FHL5: variants seen among roughly 807,000 people sequenced by gnomAD.
FHL5 encodes four and a half LIM domains protein 5.
In FHL5, 33 loss-of-function variants were observed where a neutral mutation model predicts 32.0. The ratio of observed to expected loss-of-function variants is 1.03; its 90% CI spans 0.78 to 1.38. The LOEUF is 1.38. Among genes scored for constraint, FHL5 ranks in the 40% most tolerant of loss-of-function variants. FHL5 has a pLI of 0.00. For synonymous variants in FHL5, 114 were observed against 113.6 expected (o/e 1.00, Z -0.02); for missense variants, 336 against 343.9 (o/e 0.98, Z 0.18).
At chr6:96,566,379 T>G (rs75505488) in intron 1 of FHL5, among the ~76,000 whole-genome samples, 6,874 of 152,120 alleles carry the variant, frequency 0.045, 460 homozygotes, top group African/African-American at 0.14. Context: ...ATATAGCACT[T>G]TTTTTAATCC....
intron 1 of FHL5, among the ~76,000 whole-genome samples, chr6:96,594,722 T>C (rs920966946): frequency 3.9e-5 from 6 of 151,986 alleles, no homozygotes; most frequent in African/African-American, 1.4e-4. Flanking sequence ...GTCTCAGTTT[T>C]CTAGTTTTCT....
In FHL5 at chr6:96,610,569, C is replaced by A. The variant is rs1315241202; in HGVS notation, c.505-3C>A. On this transcript the variant is annotated splice_region_variant and splice_polypyrimidine_tract_variant and intron_variant, in intron 4 of 5. Coordinates refer to ENST00000450218, the MANE Select transcript of FHL5 (RefSeq NM_001322466.2). The stretch of plus-strand genomic sequence containing the variant: ...TCATTGCCTTTTCTGTGGTCTTTGG[C>A]AGGTGATAACTTCAGGTGGGATAAC... The A allele has an allele frequency of 6.2e-7, 1 of 1,610,664 alleles. No homozygotes were observed. The highest frequency in any genetic ancestry group is 1.1e-5 in the South Asian group (1 of 90,792).
intron 1 of FHL5, among the ~76,000 whole-genome samples, chr6:96,565,692 C>T (rs928922482): frequency 3.3e-5 from 5 of 152,072 alleles, no homozygotes; most frequent in Non-Finnish European, 7.4e-5. Flanking sequence ...AATTATAATG[C>T]TCTAAAGATG....
At chr6:96,596,711 A>T (rs972301776) in intron 1 of FHL5, among the ~76,000 whole-genome samples, 3 of 152,096 alleles carry the variant, frequency 2.0e-5, no homozygotes, top group African/African-American at 7.2e-5. Flanking sequence ...CAATTAGCTC[A>T]TCCAGGAAAA....
At chr6:96,589,314 G>A (rs1041046303) in intron 1 of FHL5, among the ~76,000 whole-genome samples, 3 of 152,044 alleles carry the variant, frequency 2.0e-5, no homozygotes, top group Admixed American at 6.6e-5. Flanking sequence ...TTTAAGACAA[G>A]TACAATTTCC....
intron 5 of FHL5, among the ~76,000 whole-genome samples, chr6:96,611,364 A>G (rs1029227558): frequency 6.6e-6 from 1 of 152,076 alleles, no homozygotes; most frequent in African/African-American, 2.4e-5. Flanking sequence ...ATAGCATTTT[A>G]CTGAAAAAAA....
chr6:96,583,094 G>A (rs1379912601), intron 1 of FHL5, among the ~76,000 whole-genome samples: 6 of 152,094 alleles, frequency 3.9e-5, no homozygotes, highest in Admixed American at 3.9e-4. Flanking sequence ...CAACCAGCAC[G>A]AGAATCTGTA....
At chr6:96,591,063 A>G (rs1285087009) in intron 1 of FHL5, among the ~76,000 whole-genome samples, 1 of 152,002 alleles carries the variant, frequency 6.6e-6, no homozygotes. Flanking sequence ...ATGATTTTAG[A>G]TTTTGATACC....
intron 4 of FHL5, among the ~76,000 whole-genome samples, chr6:96,606,734 T>A (rs1178130569): frequency 6.6e-6 from 1 of 152,176 alleles, no homozygotes; most frequent in Admixed American, 6.5e-5. Flanking sequence ...TCTTAAAAAA[T>A]AATGTTTGAT....
intron 1 of FHL5, among the ~76,000 whole-genome samples, chr6:96,565,702 G>T (rs1048574381): frequency 6.6e-6 from 1 of 152,012 alleles, no homozygotes; most frequent in Non-Finnish European, 1.5e-5. Context: ...CTCTAAAGAT[G>T]GTGGTGTGGA....
intron 1 of FHL5, among the ~76,000 whole-genome samples, chr6:96,572,350 T>C (rs1489492040): frequency 6.6e-6 from 1 of 152,164 alleles, no homozygotes; most frequent in African/African-American, 2.4e-5. Context: ...AGGTACTGTT[T>C]TCCCAAGAGA....
chr6:96,597,080 T>C (rs1771050886), intron 1 of FHL5, among the ~76,000 whole-genome samples: 1 of 152,082 alleles, frequency 6.6e-6, no homozygotes, highest in African/African-American at 2.4e-5. Flanking sequence ...TTCCACTTCA[T>C]ACTCACCCTT....
rs150156299 is a variant in FHL5 at position 96,582,702 on chromosome 6, T to A, written c.-13+19347T>A. On this transcript the variant is annotated intron_variant, in intron 1 of 5. Transcript: ENST00000450218. ...CCAACAAACTGTGCTTGCAAATATG[T>A]CCCTAGAGACTAATATCAAACATTC... Among the ~76,000 whole-genome samples the A allele has an allele frequency of 2.3e-3, 346 of 152,278 alleles. 1 individual carries two copies. Among genetic ancestry groups the A allele is most frequent in the Non-Finnish European group, 2.7e-3 (184 of 68,016 alleles).
rs1466452499 is a variant in FHL5, at chr6:96,618,373, C to T, written c.*2601C>T. 6.6e-6 allele frequency among the ~76,000 whole-genome samples: 1 copy of T among 151,978 alleles called. No individual in the cohort carries two copies. Among genetic ancestry groups the T allele is most frequent in the Non-Finnish European group, 1.5e-5 (1 of 68,014 alleles). ...GGAAGTAGCAGAGACTGCCGAAGAG[C>T]AGGAGAAAATAAGATTGCTAAAAGA... On this transcript the variant is annotated 3_prime_UTR_variant, in exon 6 of 6. Coordinates refer to ENST00000450218, the MANE Select transcript of FHL5 (RefSeq NM_001322466.2).
chr6:96,602,426 C>CTTTTTTTTTTTTTT lies in FHL5; in HGVS notation c.-12-1151_-12-1138dup, dbSNP rs1168636713. Among the ~76,000 whole-genome samples the CTTTTTTTTTTTTTT allele has an allele frequency of 9.2e-4, 31 of 33,684 alleles. 11 individuals are homozygous for CTTTTTTTTTTTTTT. Among genetic ancestry groups the CTTTTTTTTTTTTTT allele is most frequent in the South Asian group, 5.7e-3 (4 of 704 alleles). The allele number at this position is 33,684 out of a possible 152,430, so 22.1% of individuals were successfully genotyped here. A position where few individuals can be genotyped will look rare whatever the true frequency, so the allele number is the denominator to read the frequency against. On this transcript the variant is annotated intron_variant, in intron 1 of 5. Coordinates refer to ENST00000450218, the MANE Select transcript of FHL5 (RefSeq NM_001322466.2). ...ACCTGGAAATCTATATGCGTTGTTT[C>CTTTTTTTTTTTTTT]TTTTTTTTTTTTTTTTTTTTTTTTT...
intron 1 of FHL5, among the ~76,000 whole-genome samples, chr6:96,581,203 T>C (rs2983894): frequency 0.011 from 1,613 of 152,286 alleles, 30 homozygotes; most frequent in African/African-American, 0.037. Flanking sequence ...ATTCAATATA[T>C]TTGTCCTCCA....
chr6:96,617,566 T>C lies in FHL5; in HGVS notation c.*1794T>C, dbSNP rs1431205630. On this transcript the variant is annotated 3_prime_UTR_variant, in exon 6 of 6. Transcript: ENST00000450218. Reference sequence around the variant, plus strand: ...TGAAAAATACAGGCAAAACTATCAATATTTTTTCTGCATTATATGAAATTT... The same window carrying C: ...TGAAAAATACAGGCAAAACTATCAACATTTTTTCTGCATTATATGAAATTT... Among the ~76,000 whole-genome samples, 2 of 152,222 alleles carry C rather than the reference T, an allele frequency of 1.3e-5. No individual in the cohort carries two copies. Among genetic ancestry groups the C allele is most frequent in the Non-Finnish European group, 2.9e-5 (2 of 68,034 alleles).
chr6:96,593,896 T>C (rs1485766913), intron 1 of FHL5, among the ~76,000 whole-genome samples: 1 of 152,104 alleles, frequency 6.6e-6, no homozygotes, highest in Admixed American at 6.6e-5. Context: ...TGGTTTGAAT[T>C]ATACAGAGTA....
intron 3 of FHL5, 106 bp downstream of exon 3, chr6:96,605,030 A>G: frequency 1.4e-6 from 1 of 714,368 alleles, no homozygotes; most frequent in Non-Finnish European, 2.2e-6. Context: ...GTTTTGAGAA[A>G]GATATCTTTC....
Sources: gnomAD v4.1 joint callset for allele counts (sites outside exome capture counted in the v4.1 genomes callset) on GRCh38, gnomAD v4.1.1 for gene constraint, MANE v1.5 for transcripts, NCBI Gene and HGNC (gene_info 2026-07-23, HGNC 2026-07-21) for gene names.